KDM2B: variants seen among roughly 807,000 people sequenced by gnomAD.
KDM2B encodes lysine demethylase 2B, also known as lysine-specific demethylase 2B.
KDM2B carries 26 observed loss-of-function variants against 150.0 expected under a neutral mutation model. The observed-to-expected ratio is 0.17, with a 90% CI of 0.13 to 0.24. The LOEUF is 0.24. Among genes scored for constraint, KDM2B ranks in the 10% least tolerant of loss-of-function variants. KDM2B has a pLI of 1.00. For missense variants in KDM2B, 1,265 were observed against 1,816.9 expected (o/e 0.70, Z 5.52); for synonymous variants, 734 against 729.5 (o/e 1.01, Z -0.10).
At chr12:121,422,737 A>AACTTATTCATCGTCTT in the KDM2B span, among the ~76,000 whole-genome samples, 1 of 152,088 alleles carries the variant, frequency 6.6e-6, no homozygotes, top group East Asian at 1.9e-4. Flanking sequence ...ACTTTTTTTT[A>AACTTATTCATCGTCTT]ACTTATTCAT....
intron 8 of KDM2B, among the ~76,000 whole-genome samples, chr12:121,522,514 CA>C (rs113323793): frequency 0.012 from 1,144 of 94,104 alleles, 6 homozygotes; most frequent in Middle Eastern, 0.039. Flanking sequence ...AACTCCGTCT[CA>C]AAAAAAAAAA....
rs116925358 is a variant in KDM2B, at chr12:121,565,327, T to G, written c.397+9220A>C. ...CCAATGGGGAAAGGACTTTTTTTTT[T>G]TTTTTTAAGACAGAGTTTCATTCTT... is the stretch of plus-strand genomic sequence containing the variant. On this transcript the variant is annotated intron_variant, in intron 4 of 22. Transcript: ENST00000377071. Among the ~76,000 whole-genome samples the G allele has an allele frequency of 1.3e-3, 197 of 152,178 alleles. 3 individuals are homozygous for G. The East Asian group carries it at 0.029, about 23-fold the overall frequency.
At chr12:121,484,649 C>T (rs1882552447) in intron 12 of KDM2B, among the ~76,000 whole-genome samples, 1 of 151,774 alleles carries the variant, frequency 6.6e-6, no homozygotes, top group Non-Finnish European at 1.5e-5. Flanking sequence ...AAGACCCCAT[C>T]TCTACAAAAA....
intron 12 of KDM2B, among the ~76,000 whole-genome samples, chr12:121,480,396 T>G (rs1881959693): frequency 6.6e-6 from 1 of 152,080 alleles, no homozygotes; most frequent in Admixed American, 6.6e-5. Flanking sequence ...GACATGTGGC[T>G]CTTTGTTTTC....
At chr12:121,415,785 G>T in the KDM2B span, among the ~76,000 whole-genome samples, 1 of 147,550 alleles carries the variant, frequency 6.8e-6, no homozygotes, top group Non-Finnish European at 1.5e-5. Context: ...GAAAAACAAA[G>T]AATTTTTAGT....
In KDM2B at chr12:121,489,669, G is replaced by T. The variant is rs576488152; in HGVS notation, c.1734+4910C>A. 2.6e-3 allele frequency among the ~76,000 whole-genome samples: 393 copies of T among 152,112 alleles called. 1 individual carries two copies. The highest frequency in any genetic ancestry group is 9.2e-3 in the African/African-American group (382 of 41,484). On this transcript the variant is annotated intron_variant, in intron 12 of 22. Transcript: ENST00000377071. The stretch of plus-strand genomic sequence containing the variant: ...TAGTGAGGCTGGTCTCGAACTCCTG[G>T]CCTCAAGTGATCCACCTGCCTCAGC...
At chr12:121,454,036 GC>G (rs1877808799) in intron 12 of KDM2B, among the ~76,000 whole-genome samples, 1 of 135,654 alleles carries the variant, frequency 7.4e-6, no homozygotes, top group Non-Finnish European at 1.6e-5. Flanking sequence ...CCCCGCCCAA[GC>G]CACTTGGCTG....
intron 9 of KDM2B, among the ~76,000 whole-genome samples, chr12:121,519,479 C>A (rs28625063): frequency 0.027 from 4,177 of 152,252 alleles, 178 homozygotes; most frequent in East Asian, 0.1. Flanking sequence ...GCACATGCTA[C>A]AATGTGGATG....
intron 12 of KDM2B, among the ~76,000 whole-genome samples, chr12:121,466,513 TCCGCCG>T: frequency 6.7e-6 from 1 of 150,368 alleles, no homozygotes; most frequent in African/African-American, 2.4e-5. Flanking sequence ...CGCGGCTTCC[TCCGCCG>T]CCGCCGCCGC....
At chr12:121,556,093 A>T (rs1889872631) in intron 4 of KDM2B, among the ~76,000 whole-genome samples, 1 of 151,380 alleles carries the variant, frequency 6.6e-6, no homozygotes. Flanking sequence ...CGCCTGGCTA[A>T]TTTTTTGTAT....
chr12:121,561,781 C>T lies in KDM2B; in HGVS notation c.398-12143G>A, dbSNP rs1325799703. Among the ~76,000 whole-genome samples the T allele has an allele frequency of 2.8e-4, 43 of 152,214 alleles. 2 individuals are homozygous for T. Among genetic ancestry groups the T allele is most frequent in the Non-Finnish European group, 1.5e-5 (1 of 68,050 alleles). ...GAGCAACTCAAAAATAATTTGTCTACAGGCCTCAGTTTTTCCCATTTGTGA... is the reference window on the plus strand; with the variant it reads ...GAGCAACTCAAAAATAATTTGTCTATAGGCCTCAGTTTTTCCCATTTGTGA... On this transcript the variant is annotated intron_variant, in intron 4 of 22. Coordinates refer to ENST00000377071, the MANE Select transcript of KDM2B (RefSeq NM_032590.5).
intron 4 of KDM2B, among the ~76,000 whole-genome samples, chr12:121,557,219 TAAGAC>T (rs1889964791): frequency 6.8e-6 from 1 of 146,936 alleles, no homozygotes; most frequent in Non-Finnish European, 1.5e-5. Flanking sequence ...GTAGGCCTAA[TAAGAC>T]AAGAGAATTT....
intron 4 of KDM2B, among the ~76,000 whole-genome samples, chr12:121,557,505 G>A (rs1889993990): frequency 6.6e-6 from 1 of 152,170 alleles, no homozygotes; most frequent in African/African-American, 2.4e-5. Flanking sequence ...CTCCCAAAGT[G>A]CTGGGATTAC....
At chr12:121,523,769 T>C (rs535538232) in intron 8 of KDM2B, among the ~76,000 whole-genome samples, 1 of 152,372 alleles carries the variant, frequency 6.6e-6, no homozygotes, top group Admixed American at 6.5e-5. Context: ...CACGAGGGCT[T>C]TGCTTTAGGC....
chr12:121,437,152 G>A (rs1323362166), intron 22 of KDM2B, among the ~76,000 whole-genome samples: 1 of 152,086 alleles, frequency 6.6e-6, no homozygotes, highest in Non-Finnish European at 1.5e-5. Context: ...AAAACGGAAG[G>A]GGAGGAAAAG....
chr12:121,516,249 C>T, intron 9 of KDM2B: 6 of 315,862 alleles, frequency 1.9e-5, no homozygotes, highest in South Asian at 1.6e-4. Context: ...TGCTCGGACA[C>T]CATGACCACC....
At chr12:121,501,335 C>T (rs372543983) in intron 11 of KDM2B, among the ~76,000 whole-genome samples, 11 of 151,932 alleles carry the variant, frequency 7.2e-5, no homozygotes, top group Non-Finnish European at 1.0e-4. Flanking sequence ...GCCAAGATCA[C>T]GTCACTGCAC....
At chr12:121,435,929 ACAAG>A (rs1213943119) in intron 22 of KDM2B, among the ~76,000 whole-genome samples, 2 of 152,168 alleles carry the variant, frequency 1.3e-5, no homozygotes, top group Admixed American at 1.3e-4. Context: ...GAGTGGAGGG[ACAAG>A]CAAGCATCAG....
the KDM2B span, among the ~76,000 whole-genome samples, chr12:121,408,642 A>G: frequency 6.6e-6 from 1 of 152,182 alleles, no homozygotes; most frequent in Non-Finnish European, 1.5e-5. Flanking sequence ...GATGAAACAT[A>G]CTAAAGGAGA....
Sources: allele counts gnomAD v4.1 joint callset (sites outside exome capture counted in the v4.1 genomes callset), GRCh38; gene constraint gnomAD v4.1.1; transcripts MANE v1.5; gene names NCBI Gene and HGNC (gene_info 2026-07-23, HGNC 2026-07-21).